PPP1R21: variants seen among roughly 807,000 people sequenced by gnomAD.
The protein encoded by PPP1R21 is protein phosphatase 1 regulatory subunit 21.
A neutral mutation model predicts 112.8 loss-of-function variants in PPP1R21; 85 were observed. The observed-to-expected ratio is 0.75, with a 90% confidence interval of 0.63 to 0.90. PPP1R21 has a LOEUF of 0.90. PPP1R21 is among the 40% of genes least tolerant of loss of function. The pLI, the probability that PPP1R21 is intolerant of heterozygous loss-of-function variation, is 0.00. For synonymous variants in PPP1R21, 381 were observed against 322.3 expected (o/e 1.18, Z -1.95); for missense variants, 1,199 against 901.5 (o/e 1.33, Z -4.23).
chr2:48,494,757 G>T (rs1317192940), intron 15 of PPP1R21, among the ~76,000 whole-genome samples: 1 of 152,028 alleles, frequency 6.6e-6, no homozygotes, highest in Non-Finnish European at 1.5e-5. Flanking sequence ...TCACTCTGTC[G>T]CCCAGGCTGG....
intron 13 of PPP1R21, among the ~76,000 whole-genome samples, chr2:48,482,643 C>G (rs542029522): frequency 4.2e-4 from 58 of 139,170 alleles, no homozygotes; most frequent in African/African-American, 1.4e-3. Flanking sequence ...AATAAAGACA[C>G]TGTTTTTTTT....
chr2:48,496,935 G>A (rs558901811), intron 16 of PPP1R21, among the ~76,000 whole-genome samples: 1 of 152,222 alleles, frequency 6.6e-6, no homozygotes, highest in East Asian at 1.9e-4. Context: ...TGGAAAGTCT[G>A]CACCCCTTCC....
At chr2:48,494,566 C>T (rs958445194) in intron 15 of PPP1R21, among the ~76,000 whole-genome samples, 4 of 151,306 alleles carry the variant, frequency 2.6e-5, no homozygotes, top group Non-Finnish European at 5.9e-5. Context: ...GATCCTGCCA[C>T]CTCCCCCGGC....
intron 14 of PPP1R21, among the ~76,000 whole-genome samples, chr2:48,488,950 G>A (rs557779064): frequency 6.6e-6 from 1 of 152,288 alleles, no homozygotes; most frequent in Non-Finnish European, 1.5e-5. Flanking sequence ...TGCAAACACT[G>A]TGTGAATCCA....
chr2:48,490,985 A>G (rs1333427514), intron 14 of PPP1R21, 33 bp from the exon 15 acceptor site: 1 of 1,601,112 alleles, frequency 6.2e-7, no homozygotes, highest in South Asian at 1.1e-5. Flanking sequence ...TTGTTGGAAA[A>G]CAAAATCTAT....
At chr2:48,488,051 A>G (rs1267715464) in intron 14 of PPP1R21, among the ~76,000 whole-genome samples, 2 of 152,182 alleles carry the variant, frequency 1.3e-5, no homozygotes, top group Admixed American at 1.3e-4. Flanking sequence ...ATATTCTTCA[A>G]GTGATTTGCA....
chr2:48,486,548 A>G (rs1669306444), intron 13 of PPP1R21, 83 bp from the exon 14 acceptor site: 1 of 1,030,368 alleles, frequency 9.7e-7, no homozygotes, highest in African/African-American at 1.6e-5. Flanking sequence ...TTAGAAGAAT[A>G]GATAGGAGAA....
chr2:48,495,637 T>TA, intron 15 of PPP1R21, 42 bp from the exon 16 acceptor site: 2 of 1,086,332 alleles, frequency 1.8e-6, no homozygotes, highest in Non-Finnish European at 2.9e-6. Context: ...GGAGGGGTGA[T>TA]ACAATATTTT....
Position 48,471,316 on chromosome 2 carries a change from T to G in PPP1R21, c.1037T>G (p.Leu346Ter). 1 of 1,611,880 alleles carries G rather than the reference T, an allele frequency of 6.2e-7. No individual in the cohort carries two copies. The highest frequency in any genetic ancestry group is 8.5e-7 in the Non-Finnish European group (1 of 1,179,322). Residue 346 changes from leucine to a stop codon, truncating the protein, a stop_gained, in exon 11 of 22, where the codon TTA becomes TGA. Coordinates refer to ENST00000294952, the MANE Select transcript of PPP1R21 (RefSeq NM_001135629.3). LOFTEE classifies it high-confidence loss of function. ...TVKLKTFSEH[L>*]TSYICFLRKI... is the part of the protein sequence containing the mutation. ...AAATTGAAAACTTTTTCAGAACACT[T>G]AACCTCCTACATATGTTTTCTTAGG...
intron 3 of PPP1R21, 97 bp downstream of exon 3, chr2:48,454,838 AT>A (rs1374409943): frequency 1.9e-5 from 18 of 944,742 alleles, no homozygotes; most frequent in South Asian, 2.9e-5. Flanking sequence ...CTGCCGAATT[AT>A]TTTTTTCTTT....
chr2:48,458,538 G>A (rs1440192967), intron 4 of PPP1R21, among the ~76,000 whole-genome samples: 1 of 150,110 alleles, frequency 6.7e-6, no homozygotes, highest in Non-Finnish European at 1.5e-5. Flanking sequence ...TTAAATGGGA[G>A]CTTACCAATA....
At chr2:48,469,452 C>CAT (rs571148892) in intron 9 of PPP1R21, among the ~76,000 whole-genome samples, 4 of 34,710 alleles carry the variant, frequency 1.2e-4, no homozygotes, top group South Asian at 1.0e-3. Context: ...ATAGAGAGAG[C>CAT]ATATATATAT....
chr2:48,480,142 T>C, intron 13 of PPP1R21, 126 bp downstream of exon 13: 1 of 703,164 alleles, frequency 1.4e-6, no homozygotes. Flanking sequence ...AGCATTTGGC[T>C]TATGTTGAGT....
intron 9 of PPP1R21, among the ~76,000 whole-genome samples, chr2:48,468,829 A>ATGTGTGTGTGTGTGTGTG (rs113373775): frequency 4.1e-5 from 6 of 146,428 alleles, no homozygotes; most frequent in African/African-American, 5.1e-5. Flanking sequence ...AAAAAAATGT[A>ATGTGTGTGTGTGTGTGTG]TGTGTGTGTG....
intron 17 of PPP1R21, 110 bp from the exon 18 acceptor site, chr2:48,505,454 G>C: frequency 5.0e-6 from 4 of 794,816 alleles, no homozygotes; most frequent in Non-Finnish European, 4.3e-6. Context: ...TTCTAGTTCT[G>C]TACCCTCAAT....
At chr2:48,503,351 CAGTAGAAACTT>C (rs1184902674) in intron 17 of PPP1R21, among the ~76,000 whole-genome samples, 10 of 152,242 alleles carry the variant, frequency 6.6e-5, no homozygotes. Context: ...ATAAGAAACT[CAGTAGAAACTT>C]ACTGATTTCA....
At chr2:48,463,881 G>A (rs902795362) in intron 7 of PPP1R21, among the ~76,000 whole-genome samples, 2 of 151,986 alleles carry the variant, frequency 1.3e-5, no homozygotes, top group Admixed American at 6.6e-5. Flanking sequence ...TCTTGGTGGA[G>A]TAGGGAGAGG....
At chr2:48,500,288 C>A (rs368118471) in intron 17 of PPP1R21, among the ~76,000 whole-genome samples, 1 of 151,944 alleles carries the variant, frequency 6.6e-6, no homozygotes, top group Admixed American at 6.6e-5. Flanking sequence ...CTGCAACTTA[C>A]GCTCACATGT....
intron 21 of PPP1R21, among the ~76,000 whole-genome samples, chr2:48,512,683 A>G (rs1300985753): frequency 6.6e-6 from 1 of 152,120 alleles, no homozygotes; most frequent in Non-Finnish European, 1.5e-5. Flanking sequence ...ATATTCATTG[A>G]TTGCTTGCTG....
Sources: gnomAD v4.1 joint callset for allele counts (sites outside exome capture counted in the v4.1 genomes callset) on GRCh38, gnomAD v4.1.1 for gene constraint, MANE v1.5 for transcripts, NCBI Gene and HGNC (gene_info 2026-07-23, HGNC 2026-07-21) for gene names.